The following SLC27A5 variants were observed in gnomAD, a reference collection of about 807,000 sequenced individuals.
SLC27A5 encodes long-chain fatty acid transport protein 5.
A neutral mutation model predicts 63.1 loss-of-function variants in SLC27A5; 47 were observed. The observed-to-expected ratio is 0.74, with a 90% CI of 0.59 to 0.95. SLC27A5 has a LOEUF of 0.95. SLC27A5 is among the 40% of genes least tolerant of loss of function. SLC27A5 has a pLI of 0.00. For synonymous variants in SLC27A5, 391 were observed against 403.8 expected, an observed-to-expected ratio of 0.97 and a Z score of 0.38; for missense variants, 940 against 921.0, an observed-to-expected ratio of 1.02 and a Z score of -0.27.
chr19:58,502,490 G>T (rs1403989687), intron 3 of SLC27A5, among the ~76,000 whole-genome samples: 1 of 70,638 alleles, frequency 1.4e-5, no homozygotes, highest in African/African-American at 4.5e-5. Flanking sequence ...TAGATGGATG[G>T]GTGAACAGTT....
At chr19:58,502,076 T>G (rs1568628373) in intron 3 of SLC27A5, among the ~76,000 whole-genome samples, 1 of 152,188 alleles carries the variant, frequency 6.6e-6, no homozygotes, top group Non-Finnish European at 1.5e-5. Flanking sequence ...GGTGGGCAGG[T>G]GGATGGATAT....
intron 7 of SLC27A5, 44 bp downstream of exon 7, chr19:58,499,448 C>A: frequency 6.3e-7 from 1 of 1,598,230 alleles, no homozygotes; most frequent in Non-Finnish European, 8.5e-7. Flanking sequence ...TGAAAGCGTC[C>A]GTGGCCCCGC....
At chr19:58,503,122 G>A (rs981579532) in intron 3 of SLC27A5, among the ~76,000 whole-genome samples, 9 of 150,750 alleles carry the variant, frequency 6.0e-5, no homozygotes, top group Non-Finnish European at 8.9e-5. Context: ...GGAGAATGGC[G>A]TGAACCTGGG....
chr19:58,511,764 C>A lies in SLC27A5; in HGVS notation c.192G>T (p.Leu64=). The stretch of plus-strand genomic sequence containing the variant: ...GTGCCAGGGCCGCAGCTGCCAGGCT[C>A]AGCCCATGGGGCACCCAGGGGCCGA... The part of the protein sequence containing the change: ...PWLGPWVPHG[L]SLAAAALALT... Residue 64 remains leucine, a synonymous_variant, in exon 1 of 10, where the codon CTG becomes CTT. Coordinates refer to ENST00000263093, the MANE Select transcript of SLC27A5 (RefSeq NM_012254.3). The A allele has an allele frequency of 6.4e-7, 1 of 1,551,450 alleles. No individual in the cohort carries two copies. Among genetic ancestry groups the A allele is most frequent in the Middle Eastern group, 2.1e-4 (1 of 4,670 alleles).
At chr19:58,502,854 G>T (rs541022614) in intron 3 of SLC27A5, among the ~76,000 whole-genome samples, 1 of 151,954 alleles carries the variant, frequency 6.6e-6, no homozygotes, top group African/African-American at 2.4e-5. Context: ...TGGACAGTTA[G>T]AGTAGTGAGT....
In SLC27A5 at chr19:58,499,263, G is replaced by T. The variant is rs200176784; in HGVS notation, c.1668-43C>A. The T allele has an allele frequency of 5.4e-5, 86 of 1,583,218 alleles. No individual in the cohort carries two copies. The African/African-American group carries it at 1.0e-3, about 19-fold the overall frequency. ...GCGCTTGTGACCACGCCCCCGGGAA[G>T]GAGAGGCCCCGCCTCTTGCCCCCGC... is the stretch of plus-strand genomic sequence containing the variant. On this transcript the variant is annotated intron_variant, in intron 7 of 9. Coordinates refer to ENST00000263093, the MANE Select transcript of SLC27A5 (RefSeq NM_012254.3).
chr19:58,504,900 G>A (rs1048395450), intron 3 of SLC27A5, among the ~76,000 whole-genome samples: 6 of 150,876 alleles, frequency 4.0e-5, no homozygotes, highest in East Asian at 2.0e-4. Flanking sequence ...CAGCTACTCC[G>A]GAGACTTAGG....
At position 58,498,519 on chromosome 19, in the gene SLC27A5, A is replaced by G; in HGVS notation, c.2069T>C (p.Leu690Pro). The change falls in exon 10 of 10, where the codon CTC becomes CCC. Residue 690 changes from leucine (L) to proline (P), a missense_variant. By Grantham distance (98) the Leu-to-Pro change is moderately conservative. Coordinates refer to ENST00000263093, the MANE Select transcript of SLC27A5 (RefSeq NM_012254.3). Reference sequence around the variant, plus strand: ...CCCAGTGGGTTGGCCAGGTGATCAGAGCCTCCAGGTTCCCTCACACACAGC... The same window carrying G: ...CCCAGTGGGTTGGCCAGGTGATCAGGGCCTCCAGGTTCCCTCACACACAGC... Reference protein sequence around the residue: ...YQAVCEGTWRL With the variant: ...YQAVCEGTWRP 6.2e-7 allele frequency: 1 copy of G among 1,609,946 alleles called. No individual in the cohort carries two copies. The highest frequency in any genetic ancestry group is 8.5e-7 in the Non-Finnish European group (1 of 1,177,256).
At chr19:58,498,962 A>T in intron 8 of SLC27A5, 47 bp from the exon 9 acceptor site, 7 of 1,596,800 alleles carry the variant, frequency 4.4e-6, no homozygotes, top group Non-Finnish European at 6.0e-6. Flanking sequence ...TCGAGGGCCC[A>T]TAGCTGACCC....
At position 58,509,877 on chromosome 19, in the gene SLC27A5, C is replaced by T. The variant is rs755301099; in HGVS notation, c.1027G>A (p.Val343Ile). The T allele has an allele frequency of 6.2e-6, 10 of 1,613,512 alleles. No homozygotes were observed. The South Asian group carries it at 9.9e-5, about 16-fold the overall frequency. ...VLPLYHVMGL[V>I]VGILGCLDLG... ...TCTAAGCAGCCGAGGATCCCAACGACAAGTCCCATCACGTGGTACAGAGGC... is the reference window on the plus strand; with the variant it reads ...TCTAAGCAGCCGAGGATCCCAACGATAAGTCCCATCACGTGGTACAGAGGC... Residue 343 changes from valine (V) to isoleucine (I), a missense_variant, in exon 3 of 10, where the codon GTC (valine) becomes ATC (isoleucine). Coordinates refer to ENST00000263093, the MANE Select transcript of SLC27A5 (RefSeq NM_012254.3).
In SLC27A5 at chr19:58,498,830, G is replaced by A. The variant is rs920683703; in HGVS notation, c.1851C>T (p.Arg617=). The part of the protein sequence containing the change: ...FDGEKLYQHV[R]AWLPAYATPH... The stretch of plus-strand genomic sequence containing the variant: ...GGGTAGCGTAGGCAGGGAGCCAAGC[G>A]CGAACGTGCTGGTACAACTTCTCCC... The change falls in exon 9 of 10, where the codon CGC becomes CGT. Residue 617 remains arginine, a synonymous_variant. Transcript: ENST00000263093. The A allele has an allele frequency of 6.2e-7, 1 of 1,613,896 alleles. No individual in the cohort carries two copies. Among genetic ancestry groups the A allele is most frequent in the African/African-American group, 1.3e-5 (1 of 74,930 alleles).
intron 3 of SLC27A5, chr19:58,509,059 A>AG: frequency 6.6e-6 from 1 of 151,884 alleles, no homozygotes. Flanking sequence ...CCTGGGCGAC[A>AG]GAGCGAGACT....
chr19:58,502,053 A>G (rs956993769), intron 3 of SLC27A5, among the ~76,000 whole-genome samples: 2 of 152,252 alleles, frequency 1.3e-5, no homozygotes, highest in Non-Finnish European at 2.9e-5. Context: ...ATGAATGCCC[A>G]GCTAAGCAGA....
At position 58,511,506 on chromosome 19, in the gene SLC27A5, G is replaced by T; in HGVS notation, c.450C>A (p.Ala150=). Residue 150 remains alanine (A), a synonymous_variant, in exon 1 of 10, where the codon GCC becomes GCA. Coordinates refer to ENST00000263093, the MANE Select transcript of SLC27A5 (RefSeq NM_012254.3). ...GGGCCCATGCCGCCTGGCAGGCCCG[G>T]GCATCCAGCTCACCAAAGGTGACTG... is the stretch of plus-strand genomic sequence containing the variant. ...AGSVTFGELD[A]RACQAAWALK... is the part of the protein sequence containing the mutation. The T allele has an allele frequency of 6.4e-7, 1 of 1,572,120 alleles. No homozygotes were observed. Among genetic ancestry groups the T allele is most frequent in the Non-Finnish European group, 8.6e-7 (1 of 1,158,678 alleles).
intron 3 of SLC27A5, among the ~76,000 whole-genome samples, chr19:58,503,558 G>A (rs2053308159): frequency 6.6e-6 from 1 of 152,108 alleles, no homozygotes; most frequent in African/African-American, 2.4e-5. Flanking sequence ...AGCTACTCGG[G>A]AGGCTGAGGT....
At position 58,510,911 on chromosome 19, in the gene SLC27A5, C is replaced by T. The variant is rs1378227274; in HGVS notation, c.708G>A (p.Glu236=). 2 of 1,607,346 alleles carry T rather than the reference C, an allele frequency of 1.2e-6. No homozygotes were observed. Among genetic ancestry groups the T allele is most frequent in the Non-Finnish European group, 1.7e-6 (2 of 1,176,084 alleles). The change falls in exon 2 of 10, where the codon GAG becomes GAA. Residue 236 remains glutamate (E), a synonymous_variant. Coordinates refer to ENST00000263093, the MANE Select transcript of SLC27A5 (RefSeq NM_012254.3). ...CAGCCTGCAGCTTGGGAAGGATCTC[C>T]TCCAGGCTCTCCCGGAGGTCTGCAG... ...VVDPDLRESL[E]EILPKLQAEN...
At chr19:58,504,667 C>G (rs1207317645) in intron 3 of SLC27A5, among the ~76,000 whole-genome samples, 4 of 143,026 alleles carry the variant, frequency 2.8e-5, no homozygotes, top group African/African-American at 1.1e-4. Context: ...GACTCTGTCT[C>G]AAAAACAAAC....
intron 8 of SLC27A5, 70 bp downstream of exon 8, chr19:58,499,053 C>CTGTA: frequency 1.9e-6 from 3 of 1,605,236 alleles, no homozygotes; most frequent in African/African-American, 1.3e-5. Flanking sequence ...ACTTCCCCAC[C>CTGTA]TGTAAAATCA....
intron 1 of SLC27A5, 69 bp from the exon 2 acceptor site, chr19:58,510,999 AC>A: frequency 7.7e-7 from 1 of 1,296,984 alleles, no homozygotes; most frequent in Non-Finnish European, 1.0e-6. Flanking sequence ...GGGATCTGAG[AC>A]CCACAGATGC....
Sources: allele counts gnomAD v4.1 joint callset (sites outside exome capture counted in the v4.1 genomes callset), GRCh38; gene constraint gnomAD v4.1.1; transcripts MANE v1.5; gene names NCBI Gene and HGNC (gene_info 2026-07-23, HGNC 2026-07-21).